Variants in NAP1L1 observed in about 807,000 individuals in gnomAD.
NAP1L1 encodes nucleosome assembly protein 1-like 1.
In NAP1L1, 9 loss-of-function variants were observed where a neutral mutation model predicts 58.9. That is an observed-to-expected ratio of 0.15 (90% confidence interval 0.09 to 0.27). The LOEUF is 0.27. Among genes scored for constraint, NAP1L1 ranks in the 10% least tolerant of loss-of-function variants. The pLI, the probability that NAP1L1 is intolerant of heterozygous loss-of-function variation, is 1.00. For synonymous variants in NAP1L1, 130 were observed against 138.3 expected (o/e 0.94, Z 0.42); for missense variants, 302 against 458.8 (o/e 0.66, Z 3.12).
At chr12:76,050,082 C>T (rs1948749281) in intron 12 of NAP1L1, among the ~76,000 whole-genome samples, 1 of 152,134 alleles carries the variant, frequency 6.6e-6, no homozygotes. Flanking sequence ...CGAAAAGGAC[C>T]TAAAGCCTAC....
rs141936527 is a variant in NAP1L1 at position 76,065,375 on chromosome 12, C to T, written c.206+1996G>A. On this transcript the variant is annotated intron_variant, in intron 4 of 14. Transcript: ENST00000618691. Reference sequence around the variant, plus strand: ...TAATGTTTAACACAGTAGTGAAAGTCCTGGTAATGTTGTAAAGAAAAGTAT... The same window carrying T: ...TAATGTTTAACACAGTAGTGAAAGTTCTGGTAATGTTGTAAAGAAAAGTAT... Among the ~76,000 whole-genome samples, 301 of 151,738 alleles carry T rather than the reference C, an allele frequency of 2.0e-3. 1 individual carries two copies. The highest frequency in any genetic ancestry group is 6.8e-3 in the Middle Eastern group (2 of 292).
chr12:76,074,542 T>G (rs948485145), intron 1 of NAP1L1: 2 of 163,936 alleles, frequency 1.2e-5, no homozygotes, highest in African/African-American at 2.4e-5. Context: ...AACTAACATT[T>G]GCTAGAATCA....
At chr12:76,066,115 A>C (rs929722422) in intron 4 of NAP1L1, among the ~76,000 whole-genome samples, 1 of 101,978 alleles carries the variant, frequency 9.8e-6, no homozygotes, top group East Asian at 2.9e-4. Context: ...TAAATAAATA[A>C]ATAAATAAAT....
At chr12:76,075,846 A>G (rs957267090) in intron 1 of NAP1L1, among the ~76,000 whole-genome samples, 4 of 152,034 alleles carry the variant, frequency 2.6e-5, no homozygotes, top group African/African-American at 9.7e-5. Flanking sequence ...GCAACCTGAC[A>G]ATAGGAATAT....
At chr12:76,083,032 G>T (rs968242386) in intron 1 of NAP1L1, among the ~76,000 whole-genome samples, 1 of 152,174 alleles carries the variant, frequency 6.6e-6, no homozygotes, top group Non-Finnish European at 1.5e-5. Flanking sequence ...TTTCAAAACT[G>T]ATCAGTGACC....
intron 1 of NAP1L1, among the ~76,000 whole-genome samples, chr12:76,082,024 A>G (rs944450355): frequency 5.9e-5 from 9 of 152,224 alleles, no homozygotes; most frequent in African/African-American, 1.9e-4. Context: ...GGTGCTAGAT[A>G]GTTACCCAAA....
intron 6 of NAP1L1, among the ~76,000 whole-genome samples, chr12:76,058,873 T>C (rs1471264594): frequency 6.6e-6 from 1 of 152,204 alleles, no homozygotes; most frequent in Admixed American, 6.5e-5. Flanking sequence ...ATCTAATATA[T>C]CTGTGGTTGA....
chr12:76,046,773 A>G lies in NAP1L1; in HGVS notation c.*1656T>C, dbSNP rs1335995578. The stretch of plus-strand genomic sequence containing the variant: ...ATCCAATAATCCACCCTCACTGTCA[A>G]AAAAAAGTTCAACCCCAAAATTAAC... On this transcript the variant is annotated 3_prime_UTR_variant, in exon 15 of 15. Coordinates refer to ENST00000618691, the MANE Select transcript of NAP1L1 (RefSeq NM_004537.7). The G allele has an allele frequency of 6.6e-6, 1 of 152,410 alleles. No individual in the cohort carries two copies. Among genetic ancestry groups the G allele is most frequent in the Admixed American group, 6.6e-5 (1 of 15,248 alleles). 9.4% of individuals were successfully genotyped at this position (152,410 alleles called of 1,614,324 possible). A position where few individuals can be genotyped will look rare whatever the true frequency, so the allele number is the denominator to read the frequency against.
intron 6 of NAP1L1, chr12:76,058,237 A>T: frequency 4.0e-6 from 1 of 247,362 alleles, no homozygotes; most frequent in South Asian, 5.7e-5. Flanking sequence ...ATTCTACAGT[A>T]AAACTGTAGA....
At chr12:76,056,406 A>G (rs1202556483) in intron 6 of NAP1L1, 2 of 406,874 alleles carry the variant, frequency 4.9e-6, no homozygotes, top group Non-Finnish European at 4.5e-6. Context: ...AGTAAAAAAA[A>G]AATGTAAAAA....
intron 6 of NAP1L1, among the ~76,000 whole-genome samples, chr12:76,059,105 A>G (rs1949284123): frequency 1.3e-5 from 2 of 152,266 alleles, no homozygotes; most frequent in Admixed American, 1.3e-4. Flanking sequence ...ATTCATCACA[A>G]TATGATTTAT....
chr12:76,059,939 G>T (rs1241024577), intron 5 of NAP1L1, 61 bp from the exon 6 acceptor site: 26 of 1,352,990 alleles, frequency 1.9e-5, no homozygotes, highest in Non-Finnish European at 2.7e-5. Flanking sequence ...TAAAACCAGT[G>T]GTTTCTCACT....
chr12:76,055,570 C>G (rs1949044418), intron 7 of NAP1L1, among the ~76,000 whole-genome samples: 2 of 152,214 alleles, frequency 1.3e-5, no homozygotes, highest in South Asian at 4.1e-4. Flanking sequence ...TAGGGGCTCA[C>G]TCAAGAAATG....
intron 1 of NAP1L1, among the ~76,000 whole-genome samples, chr12:76,079,508 C>CA (rs1950319174): frequency 6.6e-6 from 1 of 152,078 alleles, no homozygotes; most frequent in Non-Finnish European, 1.5e-5. Context: ...ATGTAAAAGA[C>CA]AGTTTCAGAA....
chr12:76,062,217 T>A (rs755849137), intron 4 of NAP1L1, among the ~76,000 whole-genome samples: 1 of 152,152 alleles, frequency 6.6e-6, no homozygotes, highest in Non-Finnish European at 1.5e-5. Flanking sequence ...AATCTAGGAA[T>A]GATGAATTGA....
Position 76,044,901 on chromosome 12 carries a change from T to TC in NAP1L1, c.*3527dup, listed in dbSNP as rs1358510359. The TC allele has an allele frequency of 6.6e-6, 1 of 152,164 alleles. No individual in the cohort carries two copies. The highest frequency in any genetic ancestry group is 1.5e-5 in the Non-Finnish European group (1 of 68,012). 9.4% of individuals were successfully genotyped at this position (152,164 alleles called of 1,614,324 possible). A position where few individuals can be genotyped will look rare whatever the true frequency, so the allele number is the denominator to read the frequency against. On this transcript the variant is annotated 3_prime_UTR_variant, in exon 15 of 15. Coordinates refer to ENST00000618691, the MANE Select transcript of NAP1L1 (RefSeq NM_004537.7). ...ATCAGTCCAAGAACTTGGCTTTTTA[T>TC]CCAGGTTATATTTTAATATCTGGAG...
At position 76,042,488 on chromosome 12, in the gene NAP1L1, A is replaced by G. The variant is rs1046567705; in HGVS notation, c.*5941T>C. The G allele has an allele frequency of 1.3e-5, 2 of 152,216 alleles. No homozygotes were observed. The highest frequency in any genetic ancestry group is 2.4e-5 in the African/African-American group (1 of 41,456). 9.4% of individuals were successfully genotyped at this position (152,216 alleles called of 1,614,324 possible). A position where few individuals can be genotyped will look rare whatever the true frequency, so the allele number is the denominator to read the frequency against. On this transcript the variant is annotated 3_prime_UTR_variant, in exon 15 of 15. Transcript: ENST00000618691. The stretch of plus-strand genomic sequence containing the variant: ...AGCAGAGACATTTGTTTAGGGGCTG[A>G]AAAGTTTTAGTCTAAAATTAGATCT...
rs1194314690 is a variant in NAP1L1, at chr12:76,036,646, T to G, written c.*11783A>C. The G allele has an allele frequency of 6.6e-6, 1 of 152,206 alleles. No homozygotes were observed. The highest frequency in any genetic ancestry group is 1.5e-5 in the Non-Finnish European group (1 of 68,034). The allele number at this position is 152,206 out of a possible 1,614,324, so 9.4% of individuals were successfully genotyped here. A position where few individuals can be genotyped will look rare whatever the true frequency, so the allele number is the denominator to read the frequency against. ...CAAAATTCTGATCTGTAAACCAATT[T>G]GCAATATACAGTAGAAACTCATGAC... is the stretch of plus-strand genomic sequence containing the variant. On this transcript the variant is annotated 3_prime_UTR_variant, in exon 15 of 15. Coordinates refer to ENST00000618691, the MANE Select transcript of NAP1L1 (RefSeq NM_004537.7).
At chr12:76,057,999 G>A in intron 6 of NAP1L1, 1 of 831,586 alleles carries the variant, frequency 1.2e-6, no homozygotes, top group Non-Finnish European at 2.1e-6. Context: ...CTCCTGTGGT[G>A]CCTCAGTAAC....
Sources: allele counts gnomAD v4.1 joint callset (sites outside exome capture counted in the v4.1 genomes callset), GRCh38; gene constraint gnomAD v4.1.1; transcripts MANE v1.5; gene names NCBI Gene and HGNC (gene_info 2026-07-23, HGNC 2026-07-21).